HAUS6: variants seen among roughly 807,000 people sequenced by gnomAD.
HAUS6 encodes the protein HAUS augmin like complex subunit 6.
A neutral mutation model predicts 106.8 loss-of-function variants in HAUS6; 80 were observed. That is an observed-to-expected ratio of 0.75 (90% CI 0.63 to 0.90). The LOEUF (loss-of-function observed/expected upper bound fraction) is 0.90. Ranked by LOEUF, HAUS6 falls within the 40% of genes least tolerant of loss-of-function variation. The probability of loss-of-function intolerance (pLI) is 0.00; values close to 1 mark genes in which losing one functional copy is unlikely to be tolerated. For synonymous variants in HAUS6, 356 were observed against 379.1 expected (o/e 0.94, Z 0.71); for missense variants, 1,155 against 1,118.1 (o/e 1.03, Z -0.47).
intron 14 of HAUS6, among the ~76,000 whole-genome samples, chr9:19,060,774 T>C (rs1801015996): frequency 6.6e-6 from 1 of 152,176 alleles, no homozygotes; most frequent in African/African-American, 2.4e-5. Flanking sequence ...TGCTCTCTAT[T>C]AAATATCAAT....
intron 11 of HAUS6, among the ~76,000 whole-genome samples, chr9:19,075,367 T>G (rs1393323121): frequency 6.6e-6 from 1 of 152,232 alleles, no homozygotes; most frequent in African/African-American, 2.4e-5. Context: ...ACATTTTCAA[T>G]GGGTGAATTG....
intron 4 of HAUS6, among the ~76,000 whole-genome samples, chr9:19,091,223 C>A (rs914926061): frequency 6.6e-6 from 1 of 151,918 alleles, no homozygotes; most frequent in Non-Finnish European, 1.5e-5. Context: ...TCGCTTGAAC[C>A]CGGGAAGTGG....
At chr9:19,088,703 A>C in intron 5 of HAUS6, among the ~76,000 whole-genome samples, 1 of 150,358 alleles carries the variant, frequency 6.7e-6, no homozygotes, top group Middle Eastern at 3.2e-3. Context: ...CCCGGTCGCT[A>C]CTATAAATAC....
chr9:19,068,830 A>AT (rs1836823614), intron 12 of HAUS6, among the ~76,000 whole-genome samples: 1 of 152,108 alleles, frequency 6.6e-6, no homozygotes, highest in African/African-American at 2.4e-5. Context: ...TAGTTCACAG[A>AT]TTTTTTGCTC....
chr9:19,089,520 G>C lies in HAUS6; in HGVS notation c.476C>G (p.Pro159Arg), dbSNP rs749638721. The C allele has an allele frequency of 6.2e-7, 1 of 1,610,392 alleles. No homozygotes were observed. The highest frequency in any genetic ancestry group is 8.5e-7 in the Non-Finnish European group (1 of 1,176,818). ...GGCAATGCATTTGTGCAAGTCCTGT[G>C]GTTTTATGTTAAATGTCTCTACAAA... ...HHFVETFNIKPQDLHKCIARC... is the reference protein window; with the variant it reads ...HHFVETFNIKRQDLHKCIARC... The change falls in exon 5 of 17, where the codon CCA becomes CGA. Residue 159 changes from proline (P) to arginine (R), a missense_variant. Pro to Arg is a moderately radical substitution (Grantham distance 103). Around this residue, in one of 3 missense-constraint regions of HAUS6, gnomAD observed 761 missense variants for 690.0 expected, o/e 1.10. Transcript: ENST00000380502.
chr9:19,067,118 C>T (rs756054304), intron 12 of HAUS6, among the ~76,000 whole-genome samples: 1 of 152,140 alleles, frequency 6.6e-6, no homozygotes, highest in South Asian at 2.1e-4. Context: ...AAACTACATT[C>T]TTTCCATGCT....
chr9:19,079,839 C>A (rs1404704487), intron 9 of HAUS6, among the ~76,000 whole-genome samples: 1 of 150,492 alleles, frequency 6.6e-6, no homozygotes, highest in Non-Finnish European at 1.5e-5. Flanking sequence ...GGAGATCACA[C>A]CATTGCACTC....
chr9:19,084,265 A>G (rs1411917514), intron 7 of HAUS6, among the ~76,000 whole-genome samples: 1 of 152,226 alleles, frequency 6.6e-6, no homozygotes, highest in African/African-American at 2.4e-5. Context: ...CAGACACAAA[A>G]GAATATATTC....
rs370743421 is a variant in HAUS6 at position 19,096,564 on chromosome 9, CAAAAAAAAAAAAAA to C, written c.224+96_224+109del. The C allele has an allele frequency of 7.4e-5, 20 of 269,416 alleles. 1 individual carries two copies. Among genetic ancestry groups the C allele is most frequent in the Admixed American group, 4.1e-4 (4 of 9,838 alleles). The allele number at this position is 269,416 out of a possible 1,614,324, so 16.7% of individuals were successfully genotyped here. On this transcript the variant is annotated intron_variant, in intron 2 of 16. Transcript: ENST00000380502. ...TCGATGACGGAGTGAGACTCCGTCTCAAAAAAAAAAAAAAAAAAAAAAAAAGGAGAGAATTCTGG... is the reference window on the plus strand; with the variant it reads ...TCGATGACGGAGTGAGACTCCGTCTCAAAAAAAAAAAGGAGAGAATTCTGG...
chr9:19,090,967 T>C (rs1015056427), intron 4 of HAUS6, among the ~76,000 whole-genome samples: 1 of 152,128 alleles, frequency 6.6e-6, no homozygotes, highest in African/African-American at 2.4e-5. Flanking sequence ...CCACAATGTA[T>C]TAACATTGCT....
intron 14 of HAUS6, 47 bp downstream of exon 14, chr9:19,062,961 C>T (rs372525245): frequency 1.5e-5 from 20 of 1,376,104 alleles, no homozygotes; most frequent in Non-Finnish European, 2.1e-5. Flanking sequence ...CCACTGTGCC[C>T]ATCCAATAAC....
intron 11 of HAUS6, among the ~76,000 whole-genome samples, chr9:19,074,524 G>C (rs1218726106): frequency 3.9e-5 from 6 of 152,024 alleles, no homozygotes; most frequent in Non-Finnish European, 7.4e-5. Flanking sequence ...TTCCACCCTA[G>C]GCTTCCCAAA....
intron 8 of HAUS6, 127 bp from the exon 9 acceptor site, chr9:19,080,799 G>A (rs919264909): frequency 2.5e-5 from 15 of 610,342 alleles, no homozygotes; most frequent in East Asian, 1.1e-4. Flanking sequence ...CAGACGCAAC[G>A]GCTCACACCT....
At chr9:19,069,287 A>T (rs996685241) in intron 12 of HAUS6, among the ~76,000 whole-genome samples, 3 of 152,188 alleles carry the variant, frequency 2.0e-5, no homozygotes, top group Non-Finnish European at 2.9e-5. Flanking sequence ...TCCCCATGAA[A>T]CTCAATATTT....
intron 4 of HAUS6, among the ~76,000 whole-genome samples, chr9:19,090,697 A>G (rs1411105368): frequency 6.6e-6 from 1 of 152,194 alleles, no homozygotes; most frequent in Non-Finnish European, 1.5e-5. Flanking sequence ...AAGTCAATAT[A>G]AAAAGATAAG....
At chr9:19,088,308 C>G (rs10113939) in intron 5 of HAUS6, among the ~76,000 whole-genome samples, 22 of 150,714 alleles carry the variant, frequency 1.5e-4, no homozygotes, top group Non-Finnish European at 3.0e-5. Flanking sequence ...CCCAATTACT[C>G]GGGAGGCTGA....
At position 19,054,083 on chromosome 9, in the gene HAUS6, T is replaced by C. The variant is rs1233660914; in HGVS notation, c.*2260A>G. ...AAGACTTCAAGACGGAAGTGAGATT[T>C]TTTTCTGAGGCTTAAAAGAGAGCTG... On this transcript the variant is annotated 3_prime_UTR_variant, in exon 17 of 17. Coordinates refer to ENST00000380502, the MANE Select transcript of HAUS6 (RefSeq NM_017645.5). The C allele has an allele frequency of 6.6e-6, 1 of 152,178 alleles. No homozygotes were observed. The highest frequency in any genetic ancestry group is 1.5e-5 in the Non-Finnish European group (1 of 68,034). 9.4% of individuals were successfully genotyped at this position (152,178 alleles called of 1,614,324 possible). A position where few individuals can be genotyped will look rare whatever the true frequency, so the allele number is the denominator to read the frequency against.
rs925346079 is a variant in HAUS6, at chr9:19,054,828, T to G, written c.*1515A>C. Reference sequence around the variant, plus strand: ...ATTAAATGAAATAATACACATTAAGTGTCTAGCAGTGGCTTTGGCACTTCT... The same window carrying G: ...ATTAAATGAAATAATACACATTAAGGGTCTAGCAGTGGCTTTGGCACTTCT... On this transcript the variant is annotated 3_prime_UTR_variant, in exon 17 of 17. Coordinates refer to ENST00000380502, the MANE Select transcript of HAUS6 (RefSeq NM_017645.5). 2.0e-5 allele frequency: 3 copies of G among 152,218 alleles called. No individual in the cohort carries two copies. Among genetic ancestry groups the G allele is most frequent in the African/African-American group, 7.2e-5 (3 of 41,462 alleles). 9.4% of individuals were successfully genotyped at this position (152,218 alleles called of 1,614,324 possible).
Position 19,060,152 on chromosome 9 carries a change from A to G in HAUS6, c.1701T>C (p.Ile567=). The change falls in exon 15 of 17, where the codon ATT becomes ATC. Residue 567 remains isoleucine, a synonymous_variant. Transcript: ENST00000380502. ...AGAAGGGGTTAGAACCCAGAGAGTCAATTAGTTCCTCTAATTTTATTTCTT... is the reference window on the plus strand; with the variant it reads ...AGAAGGGGTTAGAACCCAGAGAGTCGATTAGTTCCTCTAATTTTATTTCTT... The part of the protein sequence containing the change: ...EGKEIKLEEL[I]DSLGSNPFLT... 1 of 1,601,614 alleles carries G rather than the reference A, an allele frequency of 6.2e-7. No individual in the cohort carries two copies. Among genetic ancestry groups the G allele is most frequent in the Non-Finnish European group, 8.5e-7 (1 of 1,172,202 alleles).
Sources: gnomAD v4.1 joint callset for allele counts (sites outside exome capture counted in the v4.1 genomes callset) on GRCh38, gnomAD v4.1.1 for gene constraint, gnomAD v4.1.1 regional missense constraint, MANE v1.5 for transcripts, NCBI Gene and HGNC (gene_info 2026-07-23, HGNC 2026-07-21) for gene names.